The following GRIK2 variants were observed in gnomAD, a reference collection of about 807,000 sequenced individuals.
GRIK2 encodes the protein glutamate ionotropic receptor kainate type subunit 2.
GRIK2 carries 32 observed loss-of-function variants against 100.3 expected under a neutral mutation model. That is an observed-to-expected ratio of 0.32 (90% confidence interval 0.24 to 0.43). The LOEUF (loss-of-function observed/expected upper bound fraction) is 0.43, where lower values mean the gene tolerates loss of function less well. Among genes scored for constraint, GRIK2 ranks in the 20% least tolerant of loss-of-function variants. The pLI is 1.00. For missense variants in GRIK2, 843 were observed against 1,114.9 expected, an observed-to-expected ratio of 0.76 and a Z score of 3.47; for synonymous variants, 417 against 389.4, an observed-to-expected ratio of 1.07 and a Z score of -0.83.
chr6:101,678,425 A>G (rs1770998874), intron 5 of GRIK2, among the ~76,000 whole-genome samples: 1 of 152,180 alleles, frequency 6.6e-6, no homozygotes, highest in Non-Finnish European at 1.5e-5. Context: ...AGTAGATGAA[A>G]AATTAGAAAA....
intron 2 of GRIK2, among the ~76,000 whole-genome samples, chr6:101,425,908 A>G (rs1225576208): frequency 6.6e-6 from 1 of 152,176 alleles, no homozygotes; most frequent in Non-Finnish European, 1.5e-5. Context: ...GGCAAGTCTC[A>G]CTAGCACTGA....
At chr6:101,693,755 A>C (rs1772276421) in intron 7 of GRIK2, among the ~76,000 whole-genome samples, 1 of 152,034 alleles carries the variant, frequency 6.6e-6, no homozygotes, top group Admixed American at 6.6e-5. Flanking sequence ...CTAATATGGC[A>C]CTTGTAGGAT....
At chr6:102,042,426 A>G (rs2114457200) in intron 15 of GRIK2, among the ~76,000 whole-genome samples, 1 of 151,766 alleles carries the variant, frequency 6.6e-6, no homozygotes, top group Admixed American at 6.6e-5. Flanking sequence ...CATAAAATAG[A>G]GAAAAATGCA....
At chr6:101,519,835 G>A (rs1288934970) in intron 2 of GRIK2, among the ~76,000 whole-genome samples, 3 of 152,098 alleles carry the variant, frequency 2.0e-5, no homozygotes, top group South Asian at 2.1e-4. Flanking sequence ...CTTCACATTT[G>A]ACTCTGTTAA....
chr6:101,474,212 T>C (rs1324621136), intron 2 of GRIK2, among the ~76,000 whole-genome samples: 1 of 151,924 alleles, frequency 6.6e-6, no homozygotes, highest in African/African-American at 2.4e-5. Flanking sequence ...ACTATTATTC[T>C]ATCATTTAAA....
intron 2 of GRIK2, among the ~76,000 whole-genome samples, chr6:101,601,220 A>G (rs978745754): frequency 4.8e-5 from 7 of 146,928 alleles, no homozygotes; most frequent in Non-Finnish European, 7.5e-5. Context: ...AAATCTTTTT[A>G]TATGGTGAAT....
At chr6:101,862,299 A>C (rs1454150803) in intron 11 of GRIK2, among the ~76,000 whole-genome samples, 2 of 152,190 alleles carry the variant, frequency 1.3e-5, no homozygotes, top group African/African-American at 4.8e-5. Flanking sequence ...TCATTATACC[A>C]GGAAGCCATA....
At chr6:101,885,887 A>G (rs1232973963) in intron 11 of GRIK2, among the ~76,000 whole-genome samples, 2 of 152,212 alleles carry the variant, frequency 1.3e-5, no homozygotes, top group African/African-American at 4.8e-5. Flanking sequence ...TACATTTGTT[A>G]CAGTTGATGA....
Position 101,799,741 on chromosome 6 carries a change from C to G in GRIK2, c.1045C>G (p.Arg349Gly), listed in dbSNP as rs771321845. The change falls in exon 8 of 17, where the codon CGA (arginine) becomes GGA (glycine). Residue 349 changes from arginine (R) to glycine (G), a missense_variant. By Grantham distance (125) the Arg-to-Gly change is moderately radical. Transcript: ENST00000369134. ...GACAGTCAGTTCCTTGCAGTGTAAT[C>G]GACATAAACCCTGGCGCTTCGGGAC... is the stretch of plus-strand genomic sequence containing the variant. ...QMTVSSLQCN[R>G]HKPWRFGTRF... The G allele has an allele frequency of 6.2e-7, 1 of 1,613,292 alleles. No individual in the cohort carries two copies. The highest frequency in any genetic ancestry group is 8.5e-7 in the Non-Finnish European group (1 of 1,179,438).
At chr6:101,760,874 T>G (rs979940933) in intron 7 of GRIK2, among the ~76,000 whole-genome samples, 2 of 150,744 alleles carry the variant, frequency 1.3e-5, no homozygotes, top group Non-Finnish European at 2.9e-5. Context: ...ACAAAATTAA[T>G]TTTTCATCTC....
chr6:101,503,622 A>G (rs952986873), intron 2 of GRIK2, among the ~76,000 whole-genome samples: 1 of 152,098 alleles, frequency 6.6e-6, no homozygotes, highest in African/African-American at 2.4e-5. Flanking sequence ...GAGATTTATG[A>G]TGGTCAAAAG....
chr6:101,774,018 T>A (rs1778577705), intron 7 of GRIK2, among the ~76,000 whole-genome samples: 1 of 152,184 alleles, frequency 6.6e-6, no homozygotes, highest in Non-Finnish European at 1.5e-5. Flanking sequence ...ATTGTTTCAT[T>A]TTTTTCAGAA....
At chr6:101,418,453 G>T (rs551644089) in intron 2 of GRIK2, among the ~76,000 whole-genome samples, 1 of 152,254 alleles carries the variant, frequency 6.6e-6, no homozygotes, top group African/African-American at 2.4e-5. Context: ...TAAAACCTTA[G>T]ATTTGGGTTT....
At chr6:101,579,440 C>A (rs922206076) in intron 2 of GRIK2, among the ~76,000 whole-genome samples, 1 of 151,592 alleles carries the variant, frequency 6.6e-6, no homozygotes, top group East Asian at 1.9e-4. Flanking sequence ...TCTTTTATTT[C>A]TTTTTTTTCT....
chr6:101,674,963 A>G (rs959554561), intron 4 of GRIK2, among the ~76,000 whole-genome samples: 8 of 152,200 alleles, frequency 5.3e-5, no homozygotes, highest in Non-Finnish European at 7.3e-5. Context: ...GTATATATGT[A>G]CTGATGACAT....
At chr6:101,421,465 G>T (rs1284090895) in intron 2 of GRIK2, among the ~76,000 whole-genome samples, 1 of 152,192 alleles carries the variant, frequency 6.6e-6, no homozygotes, top group Non-Finnish European at 1.5e-5. Flanking sequence ...CCAAGCCTGA[G>T]AAATGGTGCT....
chr6:101,902,282 G>A (rs1490143867), intron 12 of GRIK2, among the ~76,000 whole-genome samples: 1 of 151,928 alleles, frequency 6.6e-6, no homozygotes, highest in Admixed American at 6.6e-5. Flanking sequence ...CAAGAGAAGG[G>A]AAAAACAGTA....
chr6:101,904,484 A>AT (rs1788093936), intron 12 of GRIK2, among the ~76,000 whole-genome samples: 1 of 151,458 alleles, frequency 6.6e-6, no homozygotes, highest in Non-Finnish European at 1.5e-5. Flanking sequence ...AAGTCATTTA[A>AT]TTTTTTAAAA....
intron 2 of GRIK2, among the ~76,000 whole-genome samples, chr6:101,604,993 A>G (rs1056522736): frequency 6.6e-6 from 1 of 151,996 alleles, no homozygotes; most frequent in Non-Finnish European, 1.5e-5. Flanking sequence ...GGAATCTTAC[A>G]TAATTAGTGA....
Sources: allele counts gnomAD v4.1 joint callset (sites outside exome capture counted in the v4.1 genomes callset), GRCh38; gene constraint gnomAD v4.1.1; transcripts MANE v1.5; gene names NCBI Gene and HGNC (gene_info 2026-07-23, HGNC 2026-07-21).